LAMA1: variants seen among roughly 807,000 people sequenced by gnomAD.
LAMA1 encodes the protein laminin subunit alpha-1.
LAMA1 carries 219 observed loss-of-function variants against 348.7 expected under a neutral mutation model. The observed-to-expected ratio is 0.63, with a 90% CI of 0.56 to 0.70. The LOEUF is 0.70. Among genes scored for constraint, LAMA1 ranks in the 30% least tolerant of loss-of-function variants. The pLI is 0.00. For synonymous variants in LAMA1, 1,487 were observed against 1,491.0 expected, an observed-to-expected ratio of 1.00 and a Z score of 0.06; for missense variants, 3,744 against 3,888.0, an observed-to-expected ratio of 0.96 and a Z score of 0.99.
chr18:7,055,453 CAA>C (rs57670126), intron 3 of LAMA1, among the ~76,000 whole-genome samples: 1,552 of 61,762 alleles, frequency 0.025, 21 homozygotes, highest in African/African-American at 0.073. Context: ...AACTCCGTCT[CAA>C]AAAAAAAAAA....
chr18:7,018,196 C>T (rs146460509), intron 19 of LAMA1, among the ~76,000 whole-genome samples: 23,923 of 151,052 alleles, frequency 0.16, 1,956 homozygotes, highest in African/African-American at 0.21. Flanking sequence ...ATTAGCCAGG[C>T]GTGGTGGCAC....
chr18:7,035,462 AC>A (rs1311099089), intron 13 of LAMA1, among the ~76,000 whole-genome samples: 1 of 151,610 alleles, frequency 6.6e-6, no homozygotes, highest in African/African-American at 2.4e-5. Flanking sequence ...TCTCTCTGTC[AC>A]CCAGGTTGGA....
chr18:6,997,545 G>A (rs188334670), intron 33 of LAMA1, among the ~76,000 whole-genome samples, 197 bp downstream of exon 33: 1 of 152,148 alleles, frequency 6.6e-6, no homozygotes. Flanking sequence ...CGTGAAACAA[G>A]CTAGCGTGTG....
intron 1 of LAMA1, among the ~76,000 whole-genome samples, chr18:7,084,074 GAAAAAAAAAAAAA>G (rs35419107): frequency 4.0e-5 from 2 of 49,728 alleles, no homozygotes; most frequent in African/African-American, 6.6e-5. Context: ...TTCTGTCTCA[GAAAAAAAAAAAAA>G]AAAAAAAAAA....
At chr18:6,974,218 T>G (rs950510737) in intron 46 of LAMA1, among the ~76,000 whole-genome samples, 7 of 151,736 alleles carry the variant, frequency 4.6e-5, no homozygotes, top group African/African-American at 1.5e-4. Context: ...ATCCAAACCT[T>G]AAGTTTTTAA....
At position 7,078,918 on chromosome 18, in the gene LAMA1, C is replaced by T. The variant is rs148861648; in HGVS notation, c.345+1057G>A. 2.2e-3 allele frequency among the ~76,000 whole-genome samples: 332 copies of T among 152,072 alleles called. 1 individual carries two copies. The highest frequency in any genetic ancestry group is 7.0e-3 in the African/African-American group (292 of 41,482). ...AGGAGAATCGCTTGAACCGGGGAGG[C>T]GGAAGTTGCAGTGTGCCGAGATCGC... On this transcript the variant is annotated intron_variant, in intron 3 of 62. Transcript: ENST00000389658.
chr18:6,952,729 T>A (rs2057552537), intron 57 of LAMA1, among the ~76,000 whole-genome samples: 1 of 152,106 alleles, frequency 6.6e-6, no homozygotes, highest in African/African-American at 2.4e-5. Context: ...AGAAAGTGAA[T>A]CCTGTCTGTG....
At chr18:6,943,783 C>T (rs972254066) in intron 61 of LAMA1, among the ~76,000 whole-genome samples, 15 of 132,992 alleles carry the variant, frequency 1.1e-4, no homozygotes, top group Non-Finnish European at 1.9e-4. Flanking sequence ...GCAGAGGTTG[C>T]GGTGAGCCAA....
At chr18:7,082,695 C>T (rs2058197772) in intron 1 of LAMA1, among the ~76,000 whole-genome samples, 1 of 152,124 alleles carries the variant, frequency 6.6e-6, no homozygotes, top group African/African-American at 2.4e-5. Flanking sequence ...AGCGTTTTGT[C>T]CAAACAGCTA....
At position 7,080,275 on chromosome 18, in the gene LAMA1, C is replaced by A. The variant is rs375402124; in HGVS notation, c.232+12G>T. On this transcript the variant is annotated intron_variant, in intron 2 of 62. Transcript: ENST00000389658. Reference sequence around the variant, plus strand: ...CCCATGGGAATTTCAGAAATAAAGGCGCGACACTTGCCTCTGGGGTTTGCG... The same window carrying A: ...CCCATGGGAATTTCAGAAATAAAGGAGCGACACTTGCCTCTGGGGTTTGCG... 6.2e-7 allele frequency: 1 copy of A among 1,613,772 alleles called. No homozygotes were observed. Among genetic ancestry groups the A allele is most frequent in the African/African-American group, 1.3e-5 (1 of 74,918 alleles).
chr18:7,018,336 C>CAAAAA (rs764975447), intron 19 of LAMA1, among the ~76,000 whole-genome samples: 2,239 of 43,966 alleles, frequency 0.051, 387 homozygotes, highest in African/African-American at 0.19. Flanking sequence ...AACTCCATCT[C>CAAAAA]AAAAAAAAAA....
intron 1 of LAMA1, among the ~76,000 whole-genome samples, chr18:7,114,921 T>C (rs1054365994): frequency 6.6e-6 from 1 of 152,218 alleles, no homozygotes; most frequent in East Asian, 1.9e-4. Flanking sequence ...TCAGTATATG[T>C]ATTTATTCTA....
chr18:7,087,552 T>A (rs1268821211), intron 1 of LAMA1, among the ~76,000 whole-genome samples: 3 of 152,236 alleles, frequency 2.0e-5, no homozygotes, highest in African/African-American at 7.2e-5. Context: ...TTCAAGACAG[T>A]AAATTCTATT....
At chr18:6,980,901 T>A (rs1214275895) in intron 41 of LAMA1, among the ~76,000 whole-genome samples, 1 of 152,066 alleles carries the variant, frequency 6.6e-6, no homozygotes, top group Admixed American at 6.6e-5. Flanking sequence ...GAGACCAGCC[T>A]GGCTAACACA....
intron 16 of LAMA1, among the ~76,000 whole-genome samples, chr18:7,027,504 T>TA (rs200222037): frequency 6.6e-6 from 1 of 151,186 alleles, no homozygotes; most frequent in Non-Finnish European, 1.5e-5. Flanking sequence ...GGTTTTTTTT[T>TA]ATGGGGAATG....
intron 46 of LAMA1, among the ~76,000 whole-genome samples, chr18:6,974,440 A>T (rs1362713971): frequency 2.0e-5 from 3 of 150,972 alleles, no homozygotes; most frequent in Middle Eastern, 3.2e-3. Context: ...CTTGTAACAA[A>T]TGCTTATTTC....
chr18:7,060,636 T>C (rs1311423372), intron 3 of LAMA1, among the ~76,000 whole-genome samples: 2 of 152,146 alleles, frequency 1.3e-5, no homozygotes, highest in African/African-American at 4.8e-5. Flanking sequence ...GAGAGATGAT[T>C]GCTGACAAAT....
At chr18:7,090,891 G>A (rs1433082707) in intron 1 of LAMA1, among the ~76,000 whole-genome samples, 1 of 152,170 alleles carries the variant, frequency 6.6e-6, no homozygotes, top group East Asian at 1.9e-4. Context: ...GTAAGCAGAA[G>A]GATTTAGCAG....
Position 7,112,522 on chromosome 18 carries a change from A to T in LAMA1, c.61+5138T>A, listed in dbSNP as rs373974972. On this transcript the variant is annotated intron_variant, in intron 1 of 62. Transcript: ENST00000389658. ...GTGGTTACCTCAAAAGAGAGTAAAA[A>T]AGCCAAGTCTTAACTTTTTTCTACC... is the stretch of plus-strand genomic sequence containing the variant. Among the ~76,000 whole-genome samples the T allele has an allele frequency of 9.5e-4, 144 of 152,232 alleles. 3 individuals are homozygous for T. In the South Asian group the frequency reaches 0.029, roughly 31 times the overall value.
Sources: gnomAD v4.1 joint callset for allele counts (sites outside exome capture counted in the v4.1 genomes callset) on GRCh38, gnomAD v4.1.1 for gene constraint, MANE v1.5 for transcripts, NCBI Gene and HGNC (gene_info 2026-07-23, HGNC 2026-07-21) for gene names.